The following CHD1L variants were observed in gnomAD, a reference collection of about 807,000 sequenced individuals.
The protein encoded by CHD1L is ATP-dependent chromatin remodeler CHD1L.
CHD1L carries 118 observed loss-of-function variants against 115.9 expected under a neutral mutation model. The ratio of observed to expected loss-of-function variants is 1.02; its 90% CI spans 0.88 to 1.19. CHD1L has a LOEUF of 1.19. Among genes scored for constraint, CHD1L ranks in the 50% most tolerant of loss-of-function variants. The pLI is 0.00. For synonymous variants in CHD1L, 411 were observed against 387.1 expected, an observed-to-expected ratio of 1.06 and a Z score of -0.72; for missense variants, 1,179 against 1,065.3, an observed-to-expected ratio of 1.11 and a Z score of -1.49.
the CHD1L span, chr1:147,204,982 G>C: frequency 3.6e-3 from 3,862 of 1,087,196 alleles, 102 homozygotes; most frequent in African/African-American, 0.054. Flanking sequence ...GACCGCGGAG[G>C]AACCAAAGGT....
At chr1:147,208,921 T>C in the CHD1L span, 1 of 1,614,096 alleles carries the variant, frequency 6.2e-7, no homozygotes. Context: ...CAAATATTTG[T>C]TTGCTAATGA....
chr1:147,253,408 A>C (rs587776340), intron 2 of CHD1L, among the ~76,000 whole-genome samples: 5 of 152,362 alleles, frequency 3.3e-5, no homozygotes, highest in Non-Finnish European at 7.3e-5. Flanking sequence ...GCCATAGATA[A>C]TTTAAAAAGA....
At chr1:147,243,689 C>T (rs1665663673) in intron 1 of CHD1L, among the ~76,000 whole-genome samples, 1 of 152,162 alleles carries the variant, frequency 6.6e-6, no homozygotes, top group Non-Finnish European at 1.5e-5. Context: ...CAGAATCATG[C>T]ATCAGTAATA....
At chr1:147,291,585 A>T (rs1553970584) in intron 20 of CHD1L, 33 bp downstream of exon 20, 1 of 1,564,026 alleles carries the variant, frequency 6.4e-7, no homozygotes, top group South Asian at 1.1e-5. Flanking sequence ...CAGAACTACA[A>T]GTGGACTCAC....
intron 6 of CHD1L, among the ~76,000 whole-genome samples, chr1:147,262,674 T>C (rs72999637): frequency 0.014 from 2,140 of 151,458 alleles, 43 homozygotes; most frequent in African/African-American, 0.049. Flanking sequence ...AGAACAACCA[T>C]GAATGGGTAG....
intron 12 of CHD1L, chr1:147,272,613 G>A: frequency 1.1e-5 from 2 of 178,604 alleles, no homozygotes; most frequent in Non-Finnish European, 2.3e-5. Context: ...CTTCCCAACC[G>A]TGAATTTGGG....
rs1669973994 is a variant in CHD1L, at chr1:147,255,937, CGTTT to C, written c.462+11_462+14del. On this transcript the variant is annotated intron_variant, in intron 4 of 22. Coordinates refer to ENST00000369258, the MANE Select transcript of CHD1L (RefSeq NM_004284.6). ...ACTGACTACCTATGAGGTATTCATT[CGTTT>C]CTCTATAGCGAGAACTCCTAACCTG... 1.9e-6 allele frequency: 3 copies of C among 1,574,406 alleles called. No individual in the cohort carries two copies.
At chr1:147,178,611 A>C in the CHD1L span, 1 of 1,598,888 alleles carries the variant, frequency 6.3e-7, no homozygotes, top group Non-Finnish European at 8.6e-7. Context: ...CATTCAGTGA[A>C]GCTCACTCCG....
At chr1:147,197,188 C>T in the CHD1L span, among the ~76,000 whole-genome samples, 65 of 152,252 alleles carry the variant, frequency 4.3e-4, 1 homozygote, top group Non-Finnish European at 5.6e-4. Flanking sequence ...TTTGTTCTGT[C>T]ACTTTCATCT....
chr1:147,262,440 G>C, intron 6 of CHD1L, among the ~76,000 whole-genome samples: 1 of 152,218 alleles, frequency 6.6e-6, no homozygotes, highest in East Asian at 1.9e-4. Flanking sequence ...TATAAATTTT[G>C]ATCCCAAAAT....
the CHD1L span, chr1:147,225,028 A>T: frequency 6.4e-7 from 1 of 1,573,296 alleles, no homozygotes; most frequent in Non-Finnish European, 8.6e-7. Context: ...TTTCTTAGTC[A>T]TGGTCTCCCG....
At chr1:147,242,405 T>C (rs1015618496), upstream of CHD1L, among the ~76,000 whole-genome samples, 3 of 152,188 alleles carry the variant, frequency 2.0e-5, no homozygotes, top group African/African-American at 7.2e-5. Context: ...GATGAACACA[T>C]GCCACCTCCT....
chr1:147,243,427 C>G (rs1665502198), intron 1 of CHD1L, among the ~76,000 whole-genome samples: 2 of 151,838 alleles, frequency 1.3e-5, no homozygotes, highest in South Asian at 2.1e-4. Flanking sequence ...GAACCACGTA[C>G]TATATGCCAA....
the CHD1L span, chr1:147,212,366 C>T: frequency 6.2e-6 from 10 of 1,612,074 alleles, no homozygotes; most frequent in Middle Eastern, 1.6e-4. Context: ...AGTTAAGCAA[C>T]GTAAATAATA....
intron 19 of CHD1L, among the ~76,000 whole-genome samples, chr1:147,288,537 C>T (rs1023201638): frequency 1.3e-5 from 2 of 151,122 alleles, no homozygotes; most frequent in East Asian, 4.0e-4. Context: ...CAAAATTAGC[C>T]AGGCATGGTG....
the CHD1L span, among the ~76,000 whole-genome samples, chr1:147,217,908 T>C: frequency 6.6e-6 from 1 of 152,178 alleles, no homozygotes; most frequent in Admixed American, 6.5e-5. Flanking sequence ...GTACTCATGG[T>C]TTTCCCCACA....
intron 1 of CHD1L, among the ~76,000 whole-genome samples, chr1:147,246,881 T>A (rs1553934089): frequency 6.6e-6 from 1 of 152,200 alleles, no homozygotes; most frequent in African/African-American, 2.4e-5. Context: ...GTTTTCTTGT[T>A]GTTTGGTGTC....
chr1:147,233,848 G>A, the CHD1L span, among the ~76,000 whole-genome samples: 89,305 of 150,842 alleles, frequency 0.59, 28,518 homozygotes, highest in East Asian at 0.87. Context: ...GGTTAAATGG[G>A]TTAAGGGCGG....
At chr1:147,225,133 C>G in the CHD1L span, 3 of 1,576,542 alleles carry the variant, frequency 1.9e-6, no homozygotes, top group Non-Finnish European at 2.6e-6. Flanking sequence ...AGACCTTGGC[C>G]GTGGCATTCG....
Sources: allele counts gnomAD v4.1 joint callset (sites outside exome capture counted in the v4.1 genomes callset), GRCh38; gene constraint gnomAD v4.1.1; transcripts MANE v1.5; gene names NCBI Gene and HGNC (gene_info 2026-07-23, HGNC 2026-07-21).